The following DNAH5 variants were observed in gnomAD, a reference collection of about 807,000 sequenced individuals.
DNAH5 encodes the protein dynein axonemal heavy chain 5.
A neutral mutation model predicts 518.2 loss-of-function variants in DNAH5; 372 were observed. The ratio of observed to expected loss-of-function variants is 0.72; its 90% CI spans 0.66 to 0.78. The LOEUF (loss-of-function observed/expected upper bound fraction) is 0.78. Among genes scored for constraint, DNAH5 ranks in the 30% least tolerant of loss-of-function variants. DNAH5 has a pLI of 0.00. For missense variants in DNAH5, 5,523 were observed against 5,687.0 expected (o/e 0.97, Z 0.93); for synonymous variants, 2,039 against 2,025.9 (o/e 1.01, Z -0.17).
chr5:13,944,484 C>G lies in DNAH5; in HGVS notation c.-46G>C. ...CTGGAGTCAGCTCTTCCGGAATGGT[C>G]TTCTAACTCCTGGCAGACCTGCTCA... On this transcript the variant is annotated 5_prime_UTR_variant, in exon 1 of 79. Coordinates refer to ENST00000265104, the MANE Select transcript of DNAH5 (RefSeq NM_001369.3). 6.4e-7 allele frequency: 1 copy of G among 1,563,586 alleles called. No homozygotes were observed. Among genetic ancestry groups the G allele is most frequent in the Non-Finnish European group, 8.8e-7 (1 of 1,138,796 alleles).
intron 3 of DNAH5, among the ~76,000 whole-genome samples, chr5:13,927,562 T>C (rs1778016321): frequency 6.6e-6 from 1 of 152,120 alleles, no homozygotes; most frequent in Non-Finnish European, 1.5e-5. Context: ...AAATTTTTCA[T>C]AAATGAGAAT....
At chr5:13,859,720 T>G in intron 29 of DNAH5, 115 bp from the exon 30 acceptor site, 1 of 991,110 alleles carries the variant, frequency 1.0e-6, no homozygotes, top group Non-Finnish European at 1.6e-6. Context: ...ACCTTAATTA[T>G]GTTGCTGGCT....
In DNAH5 at chr5:13,954,998, G is replaced by A. The variant is rs187486535; in HGVS notation, c.13-23754C>T. On this transcript the variant is annotated intron_variant, in intron 1 of 78. Transcript: ENST00000681290. ...CAACTTAGGACCACACAATCAACGC[G>A]AAGTCAAAGGCAGACTGATATGGTT... Among the ~76,000 whole-genome samples the A allele has an allele frequency of 1.5e-3, 236 of 152,262 alleles. 1 individual carries two copies. Among genetic ancestry groups the A allele is most frequent in the South Asian group, 8.9e-3 (43 of 4,820 alleles).
intron 16 of DNAH5, 114 bp from the exon 17 acceptor site, chr5:13,891,235 T>TA: frequency 1.8e-6 from 2 of 1,115,966 alleles, no homozygotes; most frequent in Non-Finnish European, 2.7e-6. Context: ...GATTCTCAGT[T>TA]ACGTATGTTC....
intron 1 of DNAH5, among the ~76,000 whole-genome samples, chr5:13,934,604 GA>G (rs1220463101): frequency 6.6e-6 from 1 of 152,176 alleles, no homozygotes; most frequent in East Asian, 1.9e-4. Context: ...TAGTAATAGA[GA>G]GGAAAATTTA....
intron 76 of DNAH5, among the ~76,000 whole-genome samples, chr5:13,701,693 G>C (rs968387655): frequency 6.6e-6 from 1 of 152,140 alleles, no homozygotes; most frequent in African/African-American, 2.4e-5. Flanking sequence ...TCACAGAGCT[G>C]TTCAAGATAT....
At chr5:13,879,050 A>G (rs1459718133) in intron 21 of DNAH5, among the ~76,000 whole-genome samples, 3 of 152,192 alleles carry the variant, frequency 2.0e-5, no homozygotes, top group Non-Finnish European at 2.9e-5. Context: ...ACAAACACTA[A>G]GATTAGAGAG....
Position 13,807,743 on chromosome 5 carries a change from G to A in DNAH5, c.7753-18C>T. On this transcript the variant is annotated intron_variant, in intron 46 of 78. Transcript: ENST00000265104. ...AGCACAGCCTAAAATAGAGGGAATT[G>A]AAAAAAAAAGAAATGAAATAAATGA... 5 of 1,564,868 alleles carry A rather than the reference G, an allele frequency of 3.2e-6. No homozygotes were observed. The highest frequency in any genetic ancestry group is 3.6e-5 in the Admixed American group (2 of 54,988).
chr5:13,829,886 A>G, intron 37 of DNAH5, 140 bp downstream of exon 37: 2 of 1,089,838 alleles, frequency 1.8e-6, no homozygotes, highest in Non-Finnish European at 2.8e-6. Context: ...ATCTTTGCTT[A>G]ACACCAAAAG....
intron 12 of DNAH5, among the ~76,000 whole-genome samples, chr5:13,907,101 G>A (rs866298300): frequency 3.9e-5 from 6 of 152,070 alleles, no homozygotes; most frequent in Admixed American, 6.5e-5. Context: ...TGGGGTGAAC[G>A]CAAGTTCACA....
rs111900011 is a variant in DNAH5, at chr5:13,713,767, A to G, written c.13125+638T>C. Among the ~76,000 whole-genome samples, 448 of 152,088 alleles carry G rather than the reference A, an allele frequency of 2.9e-3. 2 individuals carry two copies. The highest frequency in any genetic ancestry group is 0.01 in the African/African-American group (421 of 41,484). On this transcript the variant is annotated intron_variant, in intron 75 of 78. Transcript: ENST00000265104. ...TACTGCTTAGGTGATGGGTTCACCA[A>G]TATCTCACAAATCACCACTAAAGAA...
At chr5:13,921,748 A>ACTC (rs765137275) in intron 5 of DNAH5, among the ~76,000 whole-genome samples, 4 of 67,342 alleles carry the variant, frequency 5.9e-5, no homozygotes, top group Admixed American at 1.5e-4. Context: ...CCGCCCACAC[A>ACTC]CACCCCCCCA....
chr5:13,735,888 G>C lies in DNAH5; in HGVS notation c.11500C>G (p.Arg3834Gly). 3 of 1,614,100 alleles carry C rather than the reference G, an allele frequency of 1.9e-6. No homozygotes were observed. In the South Asian group the frequency reaches 3.3e-5, roughly 18 times the overall value. ...SILYFLITEM[R>G]LVNEMYQTSL... Reference sequence around the variant, plus strand: ...GTCTGATACATCTCATTAACCAAGCGCATCTCAGTAATGAGGAAGTAGAGG... The same window carrying C: ...GTCTGATACATCTCATTAACCAAGCCCATCTCAGTAATGAGGAAGTAGAGG... Residue 3834 changes from arginine (R) to glycine (G), a missense_variant, in exon 67 of 79, where the codon CGC becomes GGC. Physicochemically the swap from Arg to Gly is moderately radical, Grantham distance 125 (BLOSUM62 -2). Coordinates refer to ENST00000265104, the MANE Select transcript of DNAH5 (RefSeq NM_001369.3).
chr5:13,794,874 G>A (rs1263730421), intron 47 of DNAH5, among the ~76,000 whole-genome samples: 1 of 152,200 alleles, frequency 6.6e-6, no homozygotes, highest in Non-Finnish European at 1.5e-5. Context: ...GGCTGAGGCA[G>A]GACAATGGTG....
In DNAH5 at chr5:13,719,035, T is replaced by G; in HGVS notation, c.12346A>C (p.Ile4116Leu). The G allele has an allele frequency of 6.2e-7, 1 of 1,614,138 alleles. No individual in the cohort carries two copies. Among genetic ancestry groups the G allele is most frequent in the Non-Finnish European group, 8.5e-7 (1 of 1,180,018 alleles). Residue 4116 changes from isoleucine (I) to leucine (L), a missense_variant, in exon 72 of 79, where the codon ATC becomes CTC. Physicochemically the swap from Ile to Leu is conservative, Grantham distance 5 (BLOSUM62 2). This residue lies in a region of DNAH5 where 5,121 missense variants were observed against 5,223.3 expected (regional missense o/e 0.98). Coordinates refer to ENST00000265104, the MANE Select transcript of DNAH5 (RefSeq NM_001369.3). ...LDFMDELMDI[I>L]IETELVHDAF... ...TCATGTACAAGCTCAGTTTCTATGATTATGTCCATCAGCTCATCCATGAAA... is the reference window on the plus strand; with the variant it reads ...TCATGTACAAGCTCAGTTTCTATGAGTATGTCCATCAGCTCATCCATGAAA...
At chr5:13,713,668 AT>A (rs925989064) in intron 75 of DNAH5, among the ~76,000 whole-genome samples, 1 of 144,036 alleles carries the variant, frequency 6.9e-6, no homozygotes, top group Non-Finnish European at 1.5e-5. Flanking sequence ...GAATGATACA[AT>A]GGACTTTGGG....
intron 21 of DNAH5, 109 bp from the exon 22 acceptor site, chr5:13,876,926 TC>T: frequency 8.9e-7 from 1 of 1,122,544 alleles, no homozygotes; most frequent in South Asian, 1.4e-5. Context: ...GAAAATCTTC[TC>T]CTTTATAAAA....
chr5:13,754,077 T>C (rs796790282), intron 62 of DNAH5, 126 bp downstream of exon 62: 1 of 1,096,338 alleles, frequency 9.1e-7, no homozygotes, highest in African/African-American at 1.6e-5. Context: ...GCGCACAATG[T>C]GCGGGTTTGT....
Position 13,735,317 on chromosome 5 carries a change from C to T in DNAH5, c.11575G>A (p.Val3859Ile). Residue 3859 changes from valine to isoleucine, a missense_variant, in exon 68 of 79, where the codon GTC (valine) becomes ATC (isoleucine). Physicochemically the swap from Val to Ile is conservative, Grantham distance 29. Around this residue, in one of 3 missense-constraint regions of DNAH5, gnomAD observed 5,121 missense variants for 5,223.3 expected, o/e 0.98. Coordinates refer to ENST00000265104, the MANE Select transcript of DNAH5 (RefSeq NM_001369.3). ...GLFDLSLARS[V>I]KSPITSKRIA... The stretch of plus-strand genomic sequence containing the variant: ...CTCTTGCTTGTAATCGGGCTCTTGA[C>T]AGACCTGGTGAATAGAATATTTAAA... 2.5e-6 allele frequency: 4 copies of T among 1,613,910 alleles called. No individual in the cohort carries two copies. Among genetic ancestry groups the T allele is most frequent in the Non-Finnish European group, 3.4e-6 (4 of 1,179,926 alleles).
Sources: allele counts gnomAD v4.1 joint callset (sites outside exome capture counted in the v4.1 genomes callset), GRCh38; gene constraint gnomAD v4.1.1; regional missense constraint gnomAD v4.1.1; transcripts MANE v1.5; gene names NCBI Gene and HGNC (gene_info 2026-07-23, HGNC 2026-07-21).